PACS1: variants seen among roughly 807,000 people sequenced by gnomAD.
PACS1 encodes PACS-1.
PACS1 carries 24 observed loss-of-function variants against 115.0 expected under a neutral mutation model. That is an observed-to-expected ratio of 0.21 (90% CI 0.15 to 0.29). The LOEUF (loss-of-function observed/expected upper bound fraction) is 0.29, where lower values mean the gene tolerates loss of function less well. Among genes scored for constraint, PACS1 ranks in the 10% least tolerant of loss-of-function variants. The pLI is 1.00. For synonymous variants in PACS1, 453 were observed against 504.5 expected, an observed-to-expected ratio of 0.90 and a Z score of 1.37; for missense variants, 838 against 1,251.2, an observed-to-expected ratio of 0.67 and a Z score of 4.98.
chr11:66,070,481 C>G lies in PACS1; in HGVS notation c.-6C>G. ...TCGGCCTCCGTAACCCCCGCCTAGC[C>G]GGGCCATGGCGGAACGCGGAGGGGC... is the stretch of plus-strand genomic sequence containing the variant. On this transcript the variant is annotated 5_prime_UTR_variant, in exon 1 of 24. Coordinates refer to ENST00000320580, the MANE Select transcript of PACS1 (RefSeq NM_018026.4). This position sits in a 1 kb window ranked among gnomAD's most constrained non-coding sequence, Gnocchi z 5.9. 1.6e-6 allele frequency: 2 copies of G among 1,265,696 alleles called. No homozygotes were observed. Among genetic ancestry groups the G allele is most frequent in the South Asian group, 2.9e-5 (1 of 34,898 alleles). 78.4% of individuals were successfully genotyped at this position (1,265,696 alleles called of 1,614,324 possible). A position where few individuals can be genotyped will look rare whatever the true frequency, so the allele number is the denominator to read the frequency against.
chr11:66,139,091 T>C (rs919915446), intron 1 of PACS1, among the ~76,000 whole-genome samples: 1 of 152,226 alleles, frequency 6.6e-6, no homozygotes, highest in Non-Finnish European at 1.5e-5. Flanking sequence ...CAGCCTGTTA[T>C]GAAACCAGTG....
At position 66,070,442 on chromosome 11, in the gene PACS1, A is replaced by G. The variant is rs1302695266; in HGVS notation, c.-45A>G. 4.4e-6 allele frequency: 5 copies of G among 1,128,202 alleles called. No homozygotes were observed. Among genetic ancestry groups the G allele is most frequent in the East Asian group, 6.9e-5 (2 of 28,880 alleles). 69.9% of individuals were successfully genotyped at this position (1,128,202 alleles called of 1,614,324 possible). ...CCGCCGCGGGGGAAGCCTGGGAGCC[A>G]GATCGGCGTCGCCTCGGCCTCCGTA... On this transcript the variant is annotated 5_prime_UTR_variant, in exon 1 of 24. Transcript: ENST00000320580. This position sits in a 1 kb window ranked among gnomAD's most constrained non-coding sequence, Gnocchi z 5.9.
chr11:66,211,087 A>T lies in PACS1; in HGVS notation c.535-47A>T, dbSNP rs190270200. ...GTGTGTCCTCCAGAACCCCTCAAGGACCCAGCTGCCCATTAACCACGCTCG... is the reference window on the plus strand; with the variant it reads ...GTGTGTCCTCCAGAACCCCTCAAGGTCCCAGCTGCCCATTAACCACGCTCG... On this transcript the variant is annotated intron_variant, in intron 3 of 23. Coordinates refer to ENST00000320580, the MANE Select transcript of PACS1 (RefSeq NM_018026.4). 4 of 1,608,208 alleles carry T rather than the reference A, an allele frequency of 2.5e-6. No individual in the cohort carries two copies. The Admixed American group carries it at 6.7e-5, about 27-fold the overall frequency.
chr11:66,079,289 A>T (rs1590729453), intron 1 of PACS1, among the ~76,000 whole-genome samples: 1 of 107,734 alleles, frequency 9.3e-6, no homozygotes. Flanking sequence ...TAGGTGAGAC[A>T]TTCTTTGTAG....
chr11:66,232,199 C>G lies in PACS1; in HGVS notation c.1654C>G (p.Leu552Val). The change falls in exon 14 of 24, where the codon CTC (leucine) becomes GTC (valine). Residue 552 changes from leucine to valine, a missense_variant. Transcript: ENST00000320580. ...QIPRKVVYDQLNQILVSDAAL... is the reference protein window; with the variant it reads ...QIPRKVVYDQVNQILVSDAAL... ...TCCAAGAAAGGTGGTGTATGACCAGCTCAATCAGATCCTGGTGTCAGATGC... is the reference window on the plus strand; with the variant it reads ...TCCAAGAAAGGTGGTGTATGACCAGGTCAATCAGATCCTGGTGTCAGATGC... 1 of 1,612,782 alleles carries G rather than the reference C, an allele frequency of 6.2e-7. No individual in the cohort carries two copies.
At chr11:66,207,832 T>C (rs1336855225) in intron 2 of PACS1, among the ~76,000 whole-genome samples, 2 of 152,168 alleles carry the variant, frequency 1.3e-5, no homozygotes, top group African/African-American at 4.8e-5. Context: ...TGCAATGATA[T>C]GATCTTGGCT....
intron 1 of PACS1, among the ~76,000 whole-genome samples, chr11:66,192,993 AAAG>A (rs1854563090): frequency 6.6e-6 from 1 of 152,212 alleles, no homozygotes; most frequent in African/African-American, 2.4e-5. Flanking sequence ...TCCTCTTGCT[AAAG>A]ATTTACATCT....
chr11:66,118,169 G>A (rs951990745), intron 1 of PACS1, among the ~76,000 whole-genome samples: 4 of 152,174 alleles, frequency 2.6e-5, no homozygotes, highest in Non-Finnish European at 5.9e-5. Flanking sequence ...TAGACTAAGG[G>A]GTTGGTGCAT....
intron 1 of PACS1, among the ~76,000 whole-genome samples, chr11:66,126,322 GTT>G (rs1858570457): frequency 1.3e-5 from 2 of 152,162 alleles, no homozygotes; most frequent in African/African-American, 4.8e-5. Context: ...GTGTTTCCTT[GTT>G]CTGAAACACG....
chr11:66,212,378 C>T (rs527793860), intron 4 of PACS1, among the ~76,000 whole-genome samples: 16 of 151,602 alleles, frequency 1.1e-4, no homozygotes, highest in Non-Finnish European at 1.6e-4. Context: ...GTGATCCGCC[C>T]GCCTTGGCCT....
At chr11:66,172,974 CAAAAAAA>C (rs10684950) in intron 1 of PACS1, among the ~76,000 whole-genome samples, 2 of 88,352 alleles carry the variant, frequency 2.3e-5, no homozygotes, top group African/African-American at 7.3e-5. Context: ...GACTCTGTCT[CAAAAAAA>C]AAAAAAAAAA....
chr11:66,167,577 A>G (rs1859637178), intron 1 of PACS1, among the ~76,000 whole-genome samples: 1 of 149,872 alleles, frequency 6.7e-6, no homozygotes, highest in South Asian at 2.1e-4. Context: ...TGGATTTCTC[A>G]TTGTTTTCAA....
chr11:66,165,194 C>T (rs964495791), intron 1 of PACS1, among the ~76,000 whole-genome samples: 3 of 152,210 alleles, frequency 2.0e-5, no homozygotes, highest in African/African-American at 7.2e-5. Context: ...TTTCTGTTCT[C>T]AGCTTATTCC....
At chr11:66,198,991 A>G (rs1854711472) in intron 2 of PACS1, among the ~76,000 whole-genome samples, 1 of 152,202 alleles carries the variant, frequency 6.6e-6, no homozygotes, top group Non-Finnish European at 1.5e-5. Context: ...ATATACCTAC[A>G]TACACAAAAG....
At chr11:66,145,973 A>G (rs1248794717) in intron 1 of PACS1, among the ~76,000 whole-genome samples, 1 of 152,248 alleles carries the variant, frequency 6.6e-6, no homozygotes, top group Non-Finnish European at 1.5e-5. Context: ...AGATTTAGTC[A>G]GGGCAAATTA....
chr11:66,175,183 G>T (rs1313582535), intron 1 of PACS1, among the ~76,000 whole-genome samples: 2 of 152,042 alleles, frequency 1.3e-5, no homozygotes, highest in Non-Finnish European at 2.9e-5. Flanking sequence ...AAAAAAAATG[G>T]TGAATTTTAT....
At chr11:66,184,342 A>C (rs1860073210) in intron 1 of PACS1, among the ~76,000 whole-genome samples, 1 of 142,982 alleles carries the variant, frequency 7.0e-6, no homozygotes, top group African/African-American at 2.5e-5. Context: ...AAAAAAAGAG[A>C]TGAGAGGGGA....
intron 2 of PACS1, among the ~76,000 whole-genome samples, chr11:66,194,318 A>C (rs1432921337): frequency 6.6e-6 from 1 of 152,172 alleles, no homozygotes; most frequent in Non-Finnish European, 1.5e-5. Flanking sequence ...GTTATTTCAG[A>C]CTTGGCAATT....
intron 1 of PACS1, among the ~76,000 whole-genome samples, chr11:66,147,946 A>T (rs1441198727): frequency 1.3e-5 from 2 of 152,254 alleles, no homozygotes; most frequent in South Asian, 2.1e-4. Context: ...ATCTCAAATA[A>T]CCTATAAATA....
Sources: allele counts gnomAD v4.1 joint callset (sites outside exome capture counted in the v4.1 genomes callset), GRCh38; gene constraint gnomAD v4.1.1; non-coding constraint Gnocchi (gnomAD v3.1); transcripts MANE v1.5; gene names NCBI Gene and HGNC (gene_info 2026-07-23, HGNC 2026-07-21).